RASA3: variants seen among roughly 807,000 people sequenced by gnomAD.
The protein encoded by RASA3 is ras GTPase-activating protein 3.
RASA3 carries 73 observed loss-of-function variants against 110.0 expected under a neutral mutation model. That is an observed-to-expected ratio of 0.66 (90% CI 0.55 to 0.81). The LOEUF (loss-of-function observed/expected upper bound fraction) is 0.81. Ranked by LOEUF, RASA3 falls within the 30% of genes least tolerant of loss-of-function variation. RASA3 has a pLI of 0.00. For synonymous variants in RASA3, 500 were observed against 451.4 expected (o/e 1.11, Z -1.37); for missense variants, 976 against 1,113.2 (o/e 0.88, Z 1.75).
chr13:114,131,357 T>C (rs2139811649), intron 1 of RASA3, among the ~76,000 whole-genome samples: 1 of 152,178 alleles, frequency 6.6e-6, no homozygotes, highest in East Asian at 1.9e-4. Flanking sequence ...CTCTCCAGCC[T>C]GAACCGCGCT....
chr13:114,078,290 CCTGTT>C (rs1429794281), intron 1 of RASA3, among the ~76,000 whole-genome samples: 2 of 152,136 alleles, frequency 1.3e-5, no homozygotes, highest in Non-Finnish European at 2.9e-5. Flanking sequence ...ACCAAAGGTG[CCTGTT>C]CTGTCTCTCT....
intron 8 of RASA3, among the ~76,000 whole-genome samples, chr13:114,023,568 G>A (rs1003165583): frequency 5.3e-5 from 8 of 152,252 alleles, no homozygotes; most frequent in African/African-American, 1.9e-4. Flanking sequence ...GAGGGAACCC[G>A]CCGGGGTTTG....
chr13:114,093,294 C>G (rs972374045), intron 1 of RASA3, among the ~76,000 whole-genome samples: 1 of 152,220 alleles, frequency 6.6e-6, no homozygotes, highest in Non-Finnish European at 1.5e-5. Context: ...GAGAAAGCTG[C>G]CATCTCTCCT....
intron 2 of RASA3, among the ~76,000 whole-genome samples, chr13:114,073,134 G>A (rs1184456380): frequency 1.3e-5 from 2 of 150,108 alleles, no homozygotes; most frequent in African/African-American, 2.5e-5. Flanking sequence ...AAAATGGGAC[G>A]GTGATGTACA....
At chr13:114,054,571 T>C (rs921904152) in intron 2 of RASA3, among the ~76,000 whole-genome samples, 2 of 152,234 alleles carry the variant, frequency 1.3e-5, no homozygotes, top group African/African-American at 4.8e-5. Context: ...TTCACTGATT[T>C]CAGTATTTTT....
At chr13:114,045,235 C>G (rs1194381165) in intron 3 of RASA3, among the ~76,000 whole-genome samples, 1 of 152,228 alleles carries the variant, frequency 6.6e-6, no homozygotes, top group Non-Finnish European at 1.5e-5. Flanking sequence ...TGTGCCTAAT[C>G]CACAGGGTTG....
At position 114,096,600 on chromosome 13, in the gene RASA3, A is replaced by C. The variant is rs1176796504; in HGVS notation, c.56-22763T>G. ...GAATAACCCGATTGCTCCTATGGGAACAACTGCTCCTTTCCAGCCAAATGA... is the reference window on the plus strand; with the variant it reads ...GAATAACCCGATTGCTCCTATGGGACCAACTGCTCCTTTCCAGCCAAATGA... On this transcript the variant is annotated intron_variant, in intron 1 of 23. Coordinates refer to ENST00000334062, the MANE Select transcript of RASA3 (RefSeq NM_007368.4). This position sits in a 1 kb window ranked among gnomAD's most constrained non-coding sequence, Gnocchi z 5.1. 6.6e-6 allele frequency among the ~76,000 whole-genome samples: 1 copy of C among 152,162 alleles called. No homozygotes were observed. Among genetic ancestry groups the C allele is most frequent in the Non-Finnish European group, 1.5e-5 (1 of 68,026 alleles).
chr13:114,043,714 G>A (rs956068040), intron 3 of RASA3, among the ~76,000 whole-genome samples: 21 of 152,048 alleles, frequency 1.4e-4, no homozygotes, highest in African/African-American at 2.7e-4. Flanking sequence ...AGGAACACCA[G>A]GGAGGCTCAG....
chr13:114,070,224 GA>G (rs1454961130), intron 2 of RASA3, among the ~76,000 whole-genome samples: 2 of 130,428 alleles, frequency 1.5e-5, no homozygotes, highest in Non-Finnish European at 3.3e-5. Flanking sequence ...AGACTCGGGG[GA>G]TGGGAGACTC....
chr13:114,088,893 G>C (rs1331633916), intron 1 of RASA3, among the ~76,000 whole-genome samples: 2 of 152,082 alleles, frequency 1.3e-5, no homozygotes, highest in Non-Finnish European at 2.9e-5. Flanking sequence ...ATGTTCCCTG[G>C]TTACTAATAA....
chr13:114,022,812 A>G (rs1185264477), intron 8 of RASA3, among the ~76,000 whole-genome samples: 1 of 152,238 alleles, frequency 6.6e-6, no homozygotes, highest in African/African-American at 2.4e-5. Flanking sequence ...TCCTGAATTC[A>G]AAACTTGGTG....
intron 11 of RASA3, 68 bp from the exon 12 acceptor site, chr13:114,017,419 G>GCAGACGGA: frequency 8.0e-7 from 1 of 1,251,720 alleles, no homozygotes; most frequent in South Asian, 1.4e-5. Context: ...AGCAGAGCCT[G>GCAGACGGA]GCCCCGAGCA....
chr13:114,018,726 C>T (rs1594332082), intron 10 of RASA3, 37 bp downstream of exon 10: 1 of 1,607,030 alleles, frequency 6.2e-7, no homozygotes. Flanking sequence ...GGTGGCACCT[C>T]CTGCCCACAC....
chr13:114,015,380 G>T, intron 13 of RASA3, 48 bp from the exon 14 acceptor site: 1 of 1,607,062 alleles, frequency 6.2e-7, no homozygotes, highest in South Asian at 1.1e-5. Flanking sequence ...CTGCCCACAG[G>T]TGCGTGTAGC....
At chr13:114,009,753 T>TC (rs1428280263) in intron 16 of RASA3, among the ~76,000 whole-genome samples, 1 of 152,160 alleles carries the variant, frequency 6.6e-6, no homozygotes, top group East Asian at 1.9e-4. Context: ...CACACCTGGG[T>TC]CCCAGGCTCA....
chr13:114,033,124 C>T (rs1423618520), intron 4 of RASA3, among the ~76,000 whole-genome samples: 1 of 76,210 alleles, frequency 1.3e-5, no homozygotes, highest in Non-Finnish European at 2.4e-5. Context: ...CCACGTTCCA[C>T]GGAACCCCCG....
chr13:114,053,664 C>T (rs903067625), intron 2 of RASA3, among the ~76,000 whole-genome samples: 1 of 152,180 alleles, frequency 6.6e-6, no homozygotes, highest in African/African-American at 2.4e-5. Context: ...AGGGTTGGAG[C>T]TACTAGCCTC....
rs368929507 is a variant in RASA3, at chr13:114,090,803, C to G, written c.56-16966G>C. Among the ~76,000 whole-genome samples the G allele has an allele frequency of 4.6e-5, 7 of 152,326 alleles. No individual in the cohort carries two copies. In the South Asian group the frequency reaches 8.3e-4, roughly 18 times the overall value. ...GCGTAACAAAAAGAACGCCAGTTCC[C>G]TTTTCCTGGAGAAAATACAAGAGGT... On this transcript the variant is annotated intron_variant, in intron 1 of 23. Coordinates refer to ENST00000334062, the MANE Select transcript of RASA3 (RefSeq NM_007368.4).
chr13:114,129,167 A>G (rs997363169), intron 1 of RASA3, among the ~76,000 whole-genome samples: 10 of 152,366 alleles, frequency 6.6e-5, no homozygotes, highest in African/African-American at 2.4e-4. Flanking sequence ...TCCGAAGCAC[A>G]GGCTTCCTCA....
Sources: allele counts gnomAD v4.1 joint callset (sites outside exome capture counted in the v4.1 genomes callset), GRCh38; gene constraint gnomAD v4.1.1; non-coding constraint Gnocchi (gnomAD v3.1); transcripts MANE v1.5; gene names NCBI Gene and HGNC (gene_info 2026-07-23, HGNC 2026-07-21).